Variants in FYB1 observed in about 807,000 individuals in gnomAD.
The protein encoded by FYB1 is FYN-binding protein 1.
FYB1 carries 41 observed loss-of-function variants against 94.1 expected under a neutral mutation model. That is an observed-to-expected ratio of 0.44 (90% CI 0.34 to 0.57). The LOEUF (loss-of-function observed/expected upper bound fraction) is 0.57, where lower values mean the gene tolerates loss of function less well. Among genes scored for constraint, FYB1 ranks in the 20% least tolerant of loss-of-function variants. FYB1 has a pLI of 0.02. For synonymous variants in FYB1, 367 were observed against 353.2 expected (o/e 1.04, Z -0.44); for missense variants, 1,050 against 976.8 (o/e 1.07, Z -1.00).
At position 39,201,925 on chromosome 5, in the gene FYB1, G is replaced by T; in HGVS notation, c.1036C>A (p.Pro346Thr). Reference protein sequence around the residue: ...DKNSATPKQKPLPPLFTLGPP... With the variant: ...DKNSATPKQKTLPPLFTLGPP... ...CCCAAGGTAAACAAGGGAGGCAATG[G>T]CTTCTGTTTCGGGGTGGCTGAATTC... is the stretch of plus-strand genomic sequence containing the variant. The change falls in exon 2 of 19, where the codon CCA (proline) becomes ACA (threonine). Residue 346 changes from proline to threonine, a missense_variant. Transcript: ENST00000512982. The T allele has an allele frequency of 6.2e-7, 1 of 1,614,006 alleles. No homozygotes were observed. The highest frequency in any genetic ancestry group is 8.5e-7 in the Non-Finnish European group (1 of 1,179,884).
At chr5:39,207,804 G>A (rs1748995644) in intron 1 of FYB1, among the ~76,000 whole-genome samples, 3 of 152,082 alleles carry the variant, frequency 2.0e-5, no homozygotes, top group South Asian at 4.2e-4. Flanking sequence ...TTCCCCCCTG[G>A]GGATGTTTAT....
chr5:39,184,424 G>A (rs762336542), intron 2 of FYB1, among the ~76,000 whole-genome samples: 3 of 152,094 alleles, frequency 2.0e-5, no homozygotes, highest in Non-Finnish European at 4.4e-5. Context: ...ACTACAATGT[G>A]CAATTTTGAA....
Position 39,239,608 on chromosome 5 carries a change from G to A in FYB1, c.-28+34795C>T, listed in dbSNP as rs145853987. ...CCTAGGAATACAGCTAACCATAGAG[G>A]GGAAAGATCTCTACAGTGAGACTTA... On this transcript the variant is annotated intron_variant, in intron 1 of 1. Transcript: ENST00000510188. Among the ~76,000 whole-genome samples the A allele has an allele frequency of 4.9e-3, 752 of 152,110 alleles. 5 individuals carry two copies. The highest frequency in any genetic ancestry group is 0.017 in the African/African-American group (710 of 41,492).
At chr5:39,194,962 A>T (rs914349922) in intron 2 of FYB1, among the ~76,000 whole-genome samples, 2 of 152,166 alleles carry the variant, frequency 1.3e-5, no homozygotes, top group Non-Finnish European at 2.9e-5. Context: ...CACCAGCCAC[A>T]AAGTGTGCAC....
chr5:39,130,563 T>C, intron 10 of FYB1, 27 bp downstream of exon 10: 1 of 1,552,046 alleles, frequency 6.4e-7, no homozygotes. Flanking sequence ...AATTGTAAAA[T>C]GTCATTTTAA....
chr5:39,223,948 C>T (rs1750370494), upstream of FYB1, among the ~76,000 whole-genome samples: 2 of 152,200 alleles, frequency 1.3e-5, no homozygotes, highest in African/African-American at 2.4e-5. Flanking sequence ...TGGAGAAACC[C>T]TATCCTGTGC....
rs772069228 is a variant in FYB1 at position 39,201,905 on chromosome 5, G to C, written c.1056C>G (p.Thr352=). The part of the protein sequence containing the change: ...PKQKPLPPLF[T]LGPPPPKPNR... The stretch of plus-strand genomic sequence containing the variant: ...TGGGTTTTGGTGGAGGTGGACCCAA[G>C]GTAAACAAGGGAGGCAATGGCTTCT... Residue 352 remains threonine, a synonymous_variant, in exon 2 of 19, where the codon ACC becomes ACG. Coordinates refer to ENST00000512982, the MANE Select transcript of FYB1 (RefSeq NM_001465.6). 2.5e-6 allele frequency: 4 copies of C among 1,613,870 alleles called. No individual in the cohort carries two copies. In the African/African-American group the frequency reaches 4.0e-5, roughly 16 times the overall value.
At chr5:39,131,074 T>C (rs1420598391) in intron 9 of FYB1, among the ~76,000 whole-genome samples, 1 of 152,212 alleles carries the variant, frequency 6.6e-6, no homozygotes, top group African/African-American at 2.4e-5. Context: ...CATTTTTCTT[T>C]AAAGGGAGAA....
intron 3 of FYB1, among the ~76,000 whole-genome samples, chr5:39,141,901 C>G (rs1479429352): frequency 3.3e-5 from 5 of 151,656 alleles, no homozygotes; most frequent in Non-Finnish European, 7.4e-5. Context: ...TTACATAGTT[C>G]CAATCCCTGA....
intron 1 of FYB1, among the ~76,000 whole-genome samples, chr5:39,264,279 C>T (rs1272656314): frequency 6.6e-6 from 1 of 152,148 alleles, no homozygotes; most frequent in African/African-American, 2.4e-5. Context: ...CTTATTTGTT[C>T]CTTCTGGTAT....
chr5:39,194,162 A>G (rs1311283466), intron 2 of FYB1, among the ~76,000 whole-genome samples: 1 of 152,212 alleles, frequency 6.6e-6, no homozygotes, highest in African/African-American at 2.4e-5. Context: ...GGTTGTCTGC[A>G]TACTTCTCCA....
intron 2 of FYB1, among the ~76,000 whole-genome samples, chr5:39,200,758 A>G (rs1418479682): frequency 6.6e-6 from 1 of 152,246 alleles, no homozygotes; most frequent in Non-Finnish European, 1.5e-5. Context: ...TCTACAGTGC[A>G]AAAACGAAAA....
chr5:39,124,336 T>A (rs1334008229), intron 12 of FYB1, 58 bp from the exon 13 acceptor site: 3 of 1,248,870 alleles, frequency 2.4e-6, no homozygotes, highest in Non-Finnish European at 3.3e-6. Context: ...AGAAATTGAT[T>A]CCGTTATATA....
chr5:39,191,186 T>A (rs1361616748), intron 2 of FYB1, among the ~76,000 whole-genome samples: 1 of 152,200 alleles, frequency 6.6e-6, no homozygotes, highest in Non-Finnish European at 1.5e-5. Context: ...TTGTAACTAA[T>A]CATATCGCCA....
chr5:39,268,295 A>G (rs1752520097), intron 1 of FYB1, among the ~76,000 whole-genome samples: 1 of 148,060 alleles, frequency 6.8e-6, no homozygotes, highest in African/African-American at 2.5e-5. Flanking sequence ...TGACATGATC[A>G]TTCATCACTG....
intron 1 of FYB1, among the ~76,000 whole-genome samples, chr5:39,263,303 T>C (rs574772574): frequency 6.6e-6 from 1 of 152,312 alleles, no homozygotes; most frequent in East Asian, 1.9e-4. Flanking sequence ...TGATGTGTTA[T>C]ATGAGTGCAA....
chr5:39,234,942 C>CT (rs1413331801), intron 1 of FYB1, among the ~76,000 whole-genome samples: 6 of 151,372 alleles, frequency 4.0e-5, no homozygotes, highest in Non-Finnish European at 7.4e-5. Context: ...CTAATGCATG[C>CT]GGGCTTAAAA....
chr5:39,220,877 T>A (rs151121829), upstream of FYB1, among the ~76,000 whole-genome samples: 1 of 152,258 alleles, frequency 6.6e-6, no homozygotes, highest in East Asian at 1.9e-4. Flanking sequence ...TTAAGAATTG[T>A]AAGAAAAGGG....
intron 1 of FYB1, among the ~76,000 whole-genome samples, chr5:39,255,487 C>A (rs919499551): frequency 6.8e-6 from 1 of 147,370 alleles, no homozygotes; most frequent in Non-Finnish European, 1.5e-5. Context: ...TTTTTTATAC[C>A]AAATTTTAAC....
Sources: gnomAD v4.1 joint callset for allele counts (sites outside exome capture counted in the v4.1 genomes callset) on GRCh38, gnomAD v4.1.1 for gene constraint, MANE v1.5 for transcripts, NCBI Gene and HGNC (gene_info 2026-07-23, HGNC 2026-07-21) for gene names.